Variants in CABP5 observed in about 807,000 individuals in gnomAD.
CABP5 encodes the protein calcium-binding protein 5.
In CABP5, 17 loss-of-function variants were observed where a neutral mutation model predicts 21.9. That is an observed-to-expected ratio of 0.78 (90% CI 0.53 to 1.17). The LOEUF (loss-of-function observed/expected upper bound fraction) is 1.17, where lower values mean the gene tolerates loss of function less well. CABP5 is among the 50% of genes most tolerant of loss of function. CABP5 has a pLI of 0.00. For synonymous variants in CABP5, 85 were observed against 79.4 expected, an observed-to-expected ratio of 1.07 and a Z score of -0.37; for missense variants, 229 against 228.9, an observed-to-expected ratio of 1.00 and a Z score of 0.00.
intron 4 of CABP5, among the ~76,000 whole-genome samples, chr19:48,036,206 TA>T (rs531344733): frequency 2.0e-5 from 3 of 151,142 alleles, no homozygotes; most frequent in East Asian, 1.9e-4. Context: ...TCCATATTGC[TA>T]AAAAAAAATG....
In CABP5 at chr19:48,043,939, G is replaced by T; in HGVS notation, c.-17C>A. The T allele has an allele frequency of 6.6e-7, 1 of 1,505,688 alleles. No homozygotes were observed. The highest frequency in any genetic ancestry group is 8.8e-7 in the Non-Finnish European group (1 of 1,133,242). The allele number at this position is 1,505,688 out of a possible 1,614,324, so 93.3% of individuals were successfully genotyped here. On this transcript the variant is annotated 5_prime_UTR_variant, in exon 1 of 6. Coordinates refer to ENST00000293255, the MANE Select transcript of CABP5 (RefSeq NM_019855.5). ...GAACTGCATGGAGGGGTGGGGTGGAGCTCGCAGGGCACCAGTCTCAAGATG... is the reference window on the plus strand; with the variant it reads ...GAACTGCATGGAGGGGTGGGGTGGATCTCGCAGGGCACCAGTCTCAAGATG...
chr19:48,031,108 T>G (rs980180837), intron 5 of CABP5, among the ~76,000 whole-genome samples: 1 of 152,200 alleles, frequency 6.6e-6, no homozygotes, highest in African/African-American at 2.4e-5. Flanking sequence ...GTTTCTTCAT[T>G]TCTGTTATGA....
intron 3 of CABP5, 40 bp from the exon 4 acceptor site, chr19:48,039,357 C>A: frequency 2.7e-6 from 4 of 1,506,670 alleles, no homozygotes; most frequent in Non-Finnish European, 2.8e-6. Context: ...CCCCACAAGC[C>A]CTGGCCTTCC....
At chr19:48,038,404 A>G (rs971244898) in intron 4 of CABP5, among the ~76,000 whole-genome samples, 3 of 152,236 alleles carry the variant, frequency 2.0e-5, no homozygotes, top group Admixed American at 2.0e-4. Context: ...GGATATAAGC[A>G]AGTCTGTTAT....
rs1431636007 is a variant in CABP5, at chr19:48,030,306, T to C, written c.*251A>G. ...CATTGGAATTTTTGGGGGTGGCAAC[T>C]GGACCCTCCCACGCTTCCTATTTCC... On this transcript the variant is annotated 3_prime_UTR_variant, in exon 6 of 6. Coordinates refer to ENST00000293255, the MANE Select transcript of CABP5 (RefSeq NM_019855.5). 6.8e-6 allele frequency: 3 copies of C among 441,944 alleles called. No individual in the cohort carries two copies. Among genetic ancestry groups the C allele is most frequent in the Non-Finnish European group, 1.2e-5 (3 of 250,848 alleles). The allele number at this position is 441,944 out of a possible 1,614,324, so 27.4% of individuals were successfully genotyped here. A position where few individuals can be genotyped will look rare whatever the true frequency, so the allele number is the denominator to read the frequency against.
intron 5 of CABP5, among the ~76,000 whole-genome samples, chr19:48,031,703 T>C (rs11671214): frequency 0.3 from 46,223 of 151,914 alleles, 7,908 homozygotes; most frequent in Non-Finnish European, 0.39. Flanking sequence ...CTGGAAGGAA[T>C]GCAGGTTGCA....
At chr19:48,043,823 C>G in intron 1 of CABP5, 37 bp downstream of exon 1, 1 of 1,467,862 alleles carries the variant, frequency 6.8e-7, no homozygotes, top group Non-Finnish European at 9.0e-7. Context: ...CTCCCTTTGC[C>G]CCGCCCACCG....
At chr19:48,034,704 C>T (rs1009201601) in intron 4 of CABP5, among the ~76,000 whole-genome samples, 3 of 151,978 alleles carry the variant, frequency 2.0e-5, no homozygotes, top group African/African-American at 7.3e-5. Context: ...CACCACCAAA[C>T]CTGTTTAATA....
chr19:48,034,520 GTT>G (rs35163057), intron 4 of CABP5, among the ~76,000 whole-genome samples, 158 bp from the exon 5 acceptor site: 1 of 138,496 alleles, frequency 7.2e-6, no homozygotes, highest in African/African-American at 2.7e-5. Context: ...GTTTTGTTCT[GTT>G]TTTTTTTTTC....
chr19:48,031,356 A>G (rs979008358), intron 5 of CABP5, among the ~76,000 whole-genome samples: 1 of 152,112 alleles, frequency 6.6e-6, no homozygotes, highest in Non-Finnish European at 1.5e-5. Flanking sequence ...CCTGGCTAAC[A>G]TGGTGAAACC....
intron 5 of CABP5, among the ~76,000 whole-genome samples, chr19:48,032,788 T>G (rs1223182485): frequency 1.3e-5 from 2 of 151,838 alleles, no homozygotes; most frequent in African/African-American, 4.8e-5. Flanking sequence ...GCACTGTCAC[T>G]CCTAGCTAAT....
rs1179021734 is a variant in CABP5 at position 48,029,394 on chromosome 19, C to A, written c.*1163G>T. Among the ~76,000 whole-genome samples, 1 of 152,084 alleles carries A rather than the reference C, an allele frequency of 6.6e-6. No individual in the cohort carries two copies. The highest frequency in any genetic ancestry group is 6.6e-5 in the Admixed American group (1 of 15,252). ...GTTGGAGGAAGGCATGAAGTTAATT[C>A]TTTATTTTGACTTTTATTTTAACCT... On this transcript the variant is annotated 3_prime_UTR_variant, in exon 6 of 6. Transcript: ENST00000293255.
chr19:48,033,727 A>G (rs1161140209), intron 5 of CABP5, among the ~76,000 whole-genome samples: 1 of 152,176 alleles, frequency 6.6e-6, no homozygotes, highest in East Asian at 1.9e-4. Context: ...TTTCTCCAAA[A>G]GGTGTCATCA....
chr19:48,031,576 G>C (rs11667015), intron 5 of CABP5, among the ~76,000 whole-genome samples: 46,255 of 151,942 alleles, frequency 0.3, 7,909 homozygotes, highest in Non-Finnish European at 0.39. Context: ...TTGTCACTAT[G>C]AGATTTCATC....
At chr19:48,037,617 G>T (rs1374702629) in intron 4 of CABP5, among the ~76,000 whole-genome samples, 1 of 151,794 alleles carries the variant, frequency 6.6e-6, no homozygotes, top group Non-Finnish European at 1.5e-5. Flanking sequence ...AGGAACAAAT[G>T]AAACTAATTT....
In CABP5 at chr19:48,029,838, A is replaced by AGAGAGAGAGAGAGAC. The variant is rs1967317498; in HGVS notation, c.*718_*719insGTCTCTCTCTCTCTC. On this transcript the variant is annotated 3_prime_UTR_variant, in exon 6 of 6. Transcript: ENST00000293255. ...AGAGAGAGAGAGAGAGAGAGAGAGAAACCAGACAGTGCTTCCAGGAAATCA... is the reference window on the plus strand; with the variant it reads ...AGAGAGAGAGAGAGAGAGAGAGAGAAGAGAGAGAGAGAGACACCAGACAGTGCTTCCAGGAAATCA... 1 of 68,662 alleles carries AGAGAGAGAGAGAGAC rather than the reference A, an allele frequency of 1.5e-5. No homozygotes were observed. The highest frequency in any genetic ancestry group is 3.4e-5 in the Non-Finnish European group (1 of 29,516). 4.3% of individuals were successfully genotyped at this position (68,662 alleles called of 1,614,324 possible).
chr19:48,040,373 CTGT>C (rs1192923009), intron 3 of CABP5, among the ~76,000 whole-genome samples: 8 of 152,160 alleles, frequency 5.3e-5, no homozygotes, highest in South Asian at 2.1e-4. Flanking sequence ...TTCAAAATGA[CTGT>C]AATTAGTAAA....
intron 5 of CABP5, among the ~76,000 whole-genome samples, chr19:48,032,389 C>A (rs928243323): frequency 6.7e-6 from 1 of 148,900 alleles, no homozygotes. Flanking sequence ...GGCTGGAGTG[C>A]AGTGGGGCGA....
In CABP5 at chr19:48,034,207, AAT is replaced by A. The variant is rs1323316861; in HGVS notation, c.496+6_496+7del. On this transcript the variant is annotated splice_donor_region_variant and intron_variant, in intron 5 of 5. Coordinates refer to ENST00000293255, the MANE Select transcript of CABP5 (RefSeq NM_019855.5). ...CCCCCGCTCCCCACCACGCCCCGTC[AAT>A]GTCACCTTCAAAGTCAACTGTGCCG... is the stretch of plus-strand genomic sequence containing the variant. The A allele has an allele frequency of 6.4e-7, 1 of 1,554,048 alleles. No individual in the cohort carries two copies. The highest frequency in any genetic ancestry group is 1.2e-5 in the South Asian group (1 of 83,654).
Sources: allele counts gnomAD v4.1 joint callset (sites outside exome capture counted in the v4.1 genomes callset), GRCh38; gene constraint gnomAD v4.1.1; transcripts MANE v1.5; gene names NCBI Gene and HGNC (gene_info 2026-07-23, HGNC 2026-07-21).